The following TNFRSF11A variants were observed in gnomAD, a reference collection of about 807,000 sequenced individuals.
The protein encoded by TNFRSF11A is tumor necrosis factor receptor superfamily member 11A.
TNFRSF11A carries 32 observed loss-of-function variants against 55.7 expected under a neutral mutation model. The ratio of observed to expected loss-of-function variants is 0.57; its 90% CI spans 0.43 to 0.77. TNFRSF11A has a LOEUF of 0.77. TNFRSF11A is among the 30% of genes least tolerant of loss of function. The pLI is 0.00. For missense variants in TNFRSF11A, 753 were observed against 809.8 expected, an observed-to-expected ratio of 0.93 and a Z score of 0.85; for synonymous variants, 311 against 331.0, an observed-to-expected ratio of 0.94 and a Z score of 0.65.
At chr18:62,377,462 C>T (rs555119386) in intron 9 of TNFRSF11A, among the ~76,000 whole-genome samples, 1 of 152,324 alleles carries the variant, frequency 6.6e-6, no homozygotes, top group South Asian at 2.1e-4. Context: ...AAGAAGTCAT[C>T]AAACTGTCTT....
At chr18:62,365,041 C>T (rs534627486) in intron 7 of TNFRSF11A, among the ~76,000 whole-genome samples, 3 of 152,314 alleles carry the variant, frequency 2.0e-5, no homozygotes, top group South Asian at 4.1e-4. Context: ...ACTGCAGCCT[C>T]GACCTCCCTC....
chr18:62,340,124 C>T (rs921545034), intron 1 of TNFRSF11A, among the ~76,000 whole-genome samples: 1 of 151,816 alleles, frequency 6.6e-6, no homozygotes, highest in Non-Finnish European at 1.5e-5. Context: ...CCCAGGAGGT[C>T]GAGGCTACAG....
chr18:62,348,078 AAG>A (rs2046411285), intron 1 of TNFRSF11A, 88 bp from the exon 2 acceptor site: 9 of 986,936 alleles, frequency 9.1e-6, no homozygotes, highest in East Asian at 2.5e-5. Context: ...AAAAAAAAAA[AAG>A]TAATTTGGTG....
Position 62,358,251 on chromosome 18 carries a change from A to G in TNFRSF11A, c.431A>G (p.Gln144Arg). ...TTTTTTTTTTTTTTTCTCACAGTGC[A>G]GCTCAACAAGGACACAGTGTGCAAA... ...APGLGAQHPLQLNKDTVCKPC... is the reference protein window; with the variant it reads ...APGLGAQHPLRLNKDTVCKPC... Residue 144 changes from glutamine (Q) to arginine (R), a missense_variant, in exon 5 of 10, where the codon CAG (glutamine) becomes CGG (arginine). By Grantham distance (43) the Gln-to-Arg change is conservative (BLOSUM62 1). Coordinates refer to ENST00000586569, the MANE Select transcript of TNFRSF11A (RefSeq NM_003839.4). 1 of 1,580,266 alleles carries G rather than the reference A, an allele frequency of 6.3e-7. No individual in the cohort carries two copies.
chr18:62,367,580 A>G (rs930579087), intron 8 of TNFRSF11A: 7 of 152,178 alleles, frequency 4.6e-5, no homozygotes, highest in African/African-American at 1.7e-4. Flanking sequence ...ATCATTTTAC[A>G]GTGAATGGCA....
intron 9 of TNFRSF11A, among the ~76,000 whole-genome samples, chr18:62,374,403 G>T (rs1910753250): frequency 6.6e-6 from 1 of 152,102 alleles, no homozygotes; most frequent in Admixed American, 6.6e-5. Context: ...CCATAAAAAG[G>T]AAAATCACAT....
At chr18:62,340,485 G>A (rs1403489892) in intron 1 of TNFRSF11A, among the ~76,000 whole-genome samples, 1 of 146,218 alleles carries the variant, frequency 6.8e-6, no homozygotes, top group African/African-American at 2.4e-5. Flanking sequence ...GTGAGTCACT[G>A]TGCTAAGCTT....
intron 6 of TNFRSF11A, among the ~76,000 whole-genome samples, chr18:62,360,870 C>T (rs1242332038): frequency 1.3e-5 from 2 of 152,124 alleles, no homozygotes; most frequent in Non-Finnish European, 2.9e-5. Flanking sequence ...GCTTCAGTGG[C>T]AAGGAGACCT....
At chr18:62,338,624 A>G (rs2046267900) in intron 1 of TNFRSF11A, among the ~76,000 whole-genome samples, 1 of 152,192 alleles carries the variant, frequency 6.6e-6, no homozygotes, top group Non-Finnish European at 1.5e-5. Context: ...GGTCAGACTC[A>G]GAGACAGACA....
At chr18:62,346,688 T>C (rs1389132730) in intron 1 of TNFRSF11A, among the ~76,000 whole-genome samples, 2 of 152,222 alleles carry the variant, frequency 1.3e-5, no homozygotes, top group African/African-American at 4.8e-5. Flanking sequence ...GAAAGGTCCG[T>C]GATGGCTGTG....
At chr18:62,378,458 G>A (rs1415354517) in intron 9 of TNFRSF11A, among the ~76,000 whole-genome samples, 2 of 152,156 alleles carry the variant, frequency 1.3e-5, no homozygotes, top group East Asian at 1.9e-4. Context: ...TCTTTAAGAC[G>A]CATTGAGATC....
chr18:62,375,345 C>A (rs1188180453), intron 9 of TNFRSF11A, among the ~76,000 whole-genome samples: 1 of 152,090 alleles, frequency 6.6e-6, no homozygotes. Context: ...AAGCTTGTAC[C>A]CTAACCCACT....
intron 4 of TNFRSF11A, chr18:62,358,045 G>A: frequency 1.7e-6 from 1 of 582,162 alleles, no homozygotes; most frequent in South Asian, 2.0e-5. Flanking sequence ...CTCACTGCTG[G>A]GGTCAGAACT....
rs561203947 is a variant in TNFRSF11A at position 62,325,992 on chromosome 18, C to T, written c.75+565C>T. On this transcript the variant is annotated intron_variant, in intron 1 of 9. Coordinates refer to ENST00000586569, the MANE Select transcript of TNFRSF11A (RefSeq NM_003839.4). The surrounding 1 kb of genome is among the most constrained non-coding windows in gnomAD (Gnocchi z 4.7). ...GCGGGGAGAGACTGCGCGCGCGCCC[C>T]GGGGATGCTGGACTTGACCCTCGCA... is the stretch of plus-strand genomic sequence containing the variant. Among the ~76,000 whole-genome samples the T allele has an allele frequency of 6.6e-5, 10 of 152,334 alleles. No individual in the cohort carries two copies. Among genetic ancestry groups the T allele is most frequent in the African/African-American group, 2.4e-4 (10 of 41,584 alleles).
At chr18:62,339,827 G>A (rs140404823) in intron 1 of TNFRSF11A, among the ~76,000 whole-genome samples, 10 of 152,272 alleles carry the variant, frequency 6.6e-5, no homozygotes, top group South Asian at 4.2e-4. Context: ...GCTCTTACCC[G>A]GTGATTAAAT....
At position 62,350,958 on chromosome 18, in the gene TNFRSF11A, A is replaced by G. The variant is rs140066518; in HGVS notation, c.283+1021A>G. Among the ~76,000 whole-genome samples the G allele has an allele frequency of 2.0e-3, 294 of 147,170 alleles. 1 individual carries two copies. Among genetic ancestry groups the G allele is most frequent in the African/African-American group, 6.8e-3 (272 of 40,002 alleles). On this transcript the variant is annotated intron_variant, in intron 3 of 9. Transcript: ENST00000586569. The stretch of plus-strand genomic sequence containing the variant: ...ATTTTGTTGGTTGCATTCCCTTGGT[A>G]TCATTTAATGTATTATTCTGTCCCT...
chr18:62,369,157 A>T lies in TNFRSF11A; in HGVS notation c.1240A>T (p.Thr414Ser). 6.2e-7 allele frequency: 1 copy of T among 1,614,108 alleles called. No individual in the cohort carries two copies. The highest frequency in any genetic ancestry group is 8.5e-7 in the Non-Finnish European group (1 of 1,180,044). ...CTEPLCRTDW[T>S]PMSSENYLQK... ...TGAGCCCCTGTGCAGGACTGATTGG[A>T]CTCCCATGTCCTCTGAAAACTACTT... Residue 414 changes from threonine (T) to serine (S), a missense_variant, in exon 9 of 10, where the codon ACT becomes TCT. Transcript: ENST00000586569.
intron 7 of TNFRSF11A, among the ~76,000 whole-genome samples, chr18:62,362,178 G>T (rs1439432829): frequency 6.6e-6 from 1 of 152,082 alleles, no homozygotes; most frequent in Non-Finnish European, 1.5e-5. Flanking sequence ...GGGAATTTCT[G>T]ACTGGAGTGT....
Position 62,385,092 on chromosome 18 carries a change from G to T in TNFRSF11A, c.*58G>T, listed in dbSNP as rs948676640. The T allele has an allele frequency of 7.2e-7, 1 of 1,395,464 alleles. No homozygotes were observed. The highest frequency in any genetic ancestry group is 1.5e-5 in the African/African-American group (1 of 65,468). 86.4% of individuals were successfully genotyped at this position (1,395,464 alleles called of 1,614,324 possible). ...AGCCAGGGCTCGCGAGGGCAGCACC[G>T]CAGCCTCTGCCCCAGCCCCGGCCAC... On this transcript the variant is annotated 3_prime_UTR_variant, in exon 10 of 10. Coordinates refer to ENST00000586569, the MANE Select transcript of TNFRSF11A (RefSeq NM_003839.4).
Sources: allele counts gnomAD v4.1 joint callset (sites outside exome capture counted in the v4.1 genomes callset), GRCh38; gene constraint gnomAD v4.1.1; non-coding constraint Gnocchi (gnomAD v3.1); transcripts MANE v1.5; gene names NCBI Gene and HGNC (gene_info 2026-07-23, HGNC 2026-07-21).